The following COL24A1 variants were observed in gnomAD, a reference collection of about 807,000 sequenced individuals.
The protein encoded by COL24A1 is collagen type XXIV alpha 1 chain.
Under a neutral mutation model 253.9 loss-of-function variants are expected in COL24A1, and 224 were observed. The ratio of observed to expected loss-of-function variants is 0.88; its 90% CI spans 0.79 to 0.99. The LOEUF is 0.99. COL24A1 is among the 50% of genes least tolerant of loss of function. The pLI is 0.00. For missense variants in COL24A1, 2,131 were observed against 2,068.5 expected (o/e 1.03, Z -0.59); for synonymous variants, 685 against 673.7 (o/e 1.02, Z -0.26).
chr1:85,825,452 C>A (rs1008203457), intron 43 of COL24A1, among the ~76,000 whole-genome samples: 2 of 152,156 alleles, frequency 1.3e-5, no homozygotes, highest in Non-Finnish European at 2.9e-5. Flanking sequence ...AATGGGATGG[C>A]TGGGTCAAAT....
At chr1:85,877,286 A>T in intron 32 of COL24A1, 111 bp from the exon 33 acceptor site, 21 of 646,548 alleles carry the variant, frequency 3.2e-5, no homozygotes, top group Non-Finnish European at 5.1e-5. Flanking sequence ...TGATTATGTA[A>T]ATACATAATA....
At chr1:85,958,420 T>C (rs1690698017) in intron 24 of COL24A1, among the ~76,000 whole-genome samples, 1 of 152,142 alleles carries the variant, frequency 6.6e-6, no homozygotes, top group Non-Finnish European at 1.5e-5. Context: ...TGTGACTATT[T>C]AATATCTGTC....
At chr1:85,951,846 T>C (rs1192442766) in intron 24 of COL24A1, among the ~76,000 whole-genome samples, 1 of 152,194 alleles carries the variant, frequency 6.6e-6, no homozygotes, top group African/African-American at 2.4e-5. Flanking sequence ...TTACTATTTT[T>C]CCATTTTTAA....
intron 19 of COL24A1, among the ~76,000 whole-genome samples, chr1:85,998,784 C>T (rs1289585780): frequency 6.6e-6 from 1 of 152,210 alleles, no homozygotes; most frequent in Non-Finnish European, 1.5e-5. Context: ...GCTCCTTAAA[C>T]TTCAGATTCC....
intron 35 of COL24A1, among the ~76,000 whole-genome samples, chr1:85,870,212 C>T (rs1680298603): frequency 6.6e-6 from 1 of 152,128 alleles, no homozygotes; most frequent in Admixed American, 6.5e-5. Context: ...CCTCAGAGAC[C>T]TACAAAGAGA....
chr1:86,032,686 CA>C (rs1698673679), intron 13 of COL24A1, among the ~76,000 whole-genome samples: 1 of 151,878 alleles, frequency 6.6e-6, no homozygotes, highest in African/African-American at 2.4e-5. Flanking sequence ...GAAACAAAGG[CA>C]GAGAATATAC....
At position 85,745,438 on chromosome 1, in the gene COL24A1, T is replaced by C. The variant is rs756466947; in HGVS notation, c.4503+3A>G. ...CCAATATAAATAAAACCAGATATGT[T>C]ACCTCCATCTGTAGGGCAGTATTTG... On this transcript the variant is annotated splice_donor_region_variant and intron_variant, in intron 56 of 59. Coordinates refer to ENST00000370571, the MANE Select transcript of COL24A1 (RefSeq NM_152890.7). The C allele has an allele frequency of 2.5e-6, 4 of 1,601,076 alleles. No homozygotes were observed. The highest frequency in any genetic ancestry group is 2.6e-6 in the Non-Finnish European group (3 of 1,173,182).
chr1:85,896,794 C>T (rs1302914437), intron 28 of COL24A1, among the ~76,000 whole-genome samples: 2 of 152,110 alleles, frequency 1.3e-5, no homozygotes, highest in Non-Finnish European at 2.9e-5. Flanking sequence ...CACCACCCAC[C>T]GCGCACGGCC....
chr1:85,917,112 G>A (rs191025198), intron 24 of COL24A1, among the ~76,000 whole-genome samples: 76 of 152,224 alleles, frequency 5.0e-4, no homozygotes, highest in African/African-American at 1.8e-3. Context: ...TAATAGACCA[G>A]ATCTATATGT....
At chr1:85,941,069 T>C (rs1306953344) in intron 24 of COL24A1, among the ~76,000 whole-genome samples, 1 of 152,192 alleles carries the variant, frequency 6.6e-6, no homozygotes, top group East Asian at 1.9e-4. Flanking sequence ...ATAAGAGGAA[T>C]TCTCTTGCTA....
chr1:86,100,194 C>A (rs944207475), intron 5 of COL24A1, among the ~76,000 whole-genome samples: 2 of 152,104 alleles, frequency 1.3e-5, no homozygotes, highest in Non-Finnish European at 2.9e-5. Context: ...TGACACTTAA[C>A]CTCATTCAGC....
chr1:86,012,301 C>T (rs894451568), intron 19 of COL24A1, among the ~76,000 whole-genome samples: 4 of 152,184 alleles, frequency 2.6e-5, no homozygotes, highest in African/African-American at 9.6e-5. Context: ...TAAATCATTG[C>T]CCTACTGGCC....
intron 37 of COL24A1, among the ~76,000 whole-genome samples, chr1:85,860,335 T>G (rs530586842): frequency 1.3e-5 from 2 of 152,294 alleles, no homozygotes; most frequent in South Asian, 2.1e-4. Flanking sequence ...CCCCAAAATC[T>G]CATTATCATA....
At chr1:85,988,824 C>T (rs1693970559) in intron 19 of COL24A1, among the ~76,000 whole-genome samples, 1 of 151,994 alleles carries the variant, frequency 6.6e-6, no homozygotes, top group African/African-American at 2.4e-5. Flanking sequence ...ACACGAATGC[C>T]TCGACTCAGA....
chr1:86,108,219 A>G (rs1474654974), intron 5 of COL24A1, among the ~76,000 whole-genome samples: 5 of 152,184 alleles, frequency 3.3e-5, no homozygotes, highest in Non-Finnish European at 7.3e-5. Context: ...TACATGTGAT[A>G]AATAATTTGA....
At chr1:86,072,456 G>T (rs967760414) in intron 7 of COL24A1, among the ~76,000 whole-genome samples, 16 of 152,132 alleles carry the variant, frequency 1.1e-4, no homozygotes, top group Admixed American at 7.9e-4. Context: ...TCCTCTCTGC[G>T]CAGGGCATCT....
chr1:85,948,357 T>C (rs1689534063), intron 24 of COL24A1, among the ~76,000 whole-genome samples: 1 of 150,994 alleles, frequency 6.6e-6, no homozygotes, highest in African/African-American at 2.4e-5. Context: ...ACCCCGTCTC[T>C]ACTAAAAATA....
intron 24 of COL24A1, among the ~76,000 whole-genome samples, chr1:85,941,580 A>G (rs189910342): frequency 6.6e-6 from 1 of 152,158 alleles, no homozygotes; most frequent in East Asian, 1.9e-4. Flanking sequence ...AGTTATTTAG[A>G]GGGTATTTAA....
At chr1:85,952,396 AATTC>A (rs1382708038) in intron 24 of COL24A1, among the ~76,000 whole-genome samples, 1 of 152,238 alleles carries the variant, frequency 6.6e-6, no homozygotes, top group Non-Finnish European at 1.5e-5. Flanking sequence ...AATGCAAATT[AATTC>A]ATTATGTTCA....
Sources: allele counts gnomAD v4.1 joint callset (sites outside exome capture counted in the v4.1 genomes callset), GRCh38; gene constraint gnomAD v4.1.1; transcripts MANE v1.5; gene names NCBI Gene and HGNC (gene_info 2026-07-23, HGNC 2026-07-21).